Variants in NFKB1 observed in about 807,000 individuals in gnomAD.
NFKB1 encodes nuclear factor NF-kappa-B p105 subunit.
NFKB1 carries 9 observed loss-of-function variants against 105.1 expected under a neutral mutation model. That is an observed-to-expected ratio of 0.09 (90% confidence interval 0.05 to 0.15). NFKB1 has a LOEUF of 0.15. Ranked by LOEUF, NFKB1 falls within the 10% of genes least tolerant of loss-of-function variation. The pLI, the probability that NFKB1 is intolerant of heterozygous loss-of-function variation, is 1.00. For missense variants in NFKB1, 830 were observed against 1,203.7 expected (o/e 0.69, Z 4.59); for synonymous variants, 440 against 442.2 (o/e 1.00, Z 0.06).
At chr4:102,504,310 A>G (rs1372865889) in intron 1 of NFKB1, among the ~76,000 whole-genome samples, 1 of 152,188 alleles carries the variant, frequency 6.6e-6, no homozygotes, top group East Asian at 1.9e-4. Context: ...TGTATAACCA[A>G]TAGAGTAAAT....
In NFKB1 at chr4:102,607,336, T is replaced by C. The variant is rs199710845; in HGVS notation, c.2124+17T>C. On this transcript the variant is annotated intron_variant, in intron 18 of 23. Coordinates refer to ENST00000226574, the MANE Select transcript of NFKB1 (RefSeq NM_003998.4). ...CTCCTGGAGGTGAAGGGCACACTTA[T>C]TTGCTTTTGCATTAAATTTCTGAGG... 42 of 1,600,198 alleles carry C rather than the reference T, an allele frequency of 2.6e-5. No homozygotes were observed. The highest frequency in any genetic ancestry group is 6.7e-5 in the East Asian group (3 of 44,644).
intron 1 of NFKB1, among the ~76,000 whole-genome samples, chr4:102,506,649 C>T (rs1490150732): frequency 6.6e-6 from 1 of 151,938 alleles, no homozygotes; most frequent in Non-Finnish European, 1.5e-5. Flanking sequence ...TGAAATATAC[C>T]ATTTAGACTA....
intron 7 of NFKB1, chr4:102,577,904 G>A: frequency 1.0e-6 from 1 of 985,382 alleles, no homozygotes; most frequent in Non-Finnish European, 1.2e-6. Flanking sequence ...CTTGTAGCCA[G>A]ATAGATATTA....
chr4:102,602,568 T>C (rs1424952993), intron 16 of NFKB1, among the ~76,000 whole-genome samples: 1 of 151,044 alleles, frequency 6.6e-6, no homozygotes, highest in Non-Finnish European at 1.5e-5. Flanking sequence ...TGCTTTAAAG[T>C]GCATTTAAAG....
chr4:102,610,080 C>T (rs1728252527), intron 19 of NFKB1, among the ~76,000 whole-genome samples: 1 of 152,216 alleles, frequency 6.6e-6, no homozygotes, highest in African/African-American at 2.4e-5. Context: ...AGAACCCTGG[C>T]ATTGCTGTAC....
chr4:102,558,717 C>T (rs754600843), intron 5 of NFKB1, among the ~76,000 whole-genome samples: 1 of 152,078 alleles, frequency 6.6e-6, no homozygotes, highest in Non-Finnish European at 1.5e-5. Context: ...GTGGTGCGAT[C>T]ATAGCCCAAT....
At chr4:102,559,518 G>A (rs1450480616) in intron 5 of NFKB1, among the ~76,000 whole-genome samples, 1 of 152,074 alleles carries the variant, frequency 6.6e-6, no homozygotes, top group Non-Finnish European at 1.5e-5. Flanking sequence ...GAAACCAAGG[G>A]AGTAGCAGTG....
At chr4:102,571,756 C>T (rs1205099264) in intron 6 of NFKB1, among the ~76,000 whole-genome samples, 1 of 152,222 alleles carries the variant, frequency 6.6e-6, no homozygotes. Context: ...CACTGGCCAT[C>T]AGAGAAATGC....
At chr4:102,530,168 A>G (rs983647932) in intron 3 of NFKB1, among the ~76,000 whole-genome samples, 1 of 152,188 alleles carries the variant, frequency 6.6e-6, no homozygotes, top group Non-Finnish European at 1.5e-5. Context: ...TTTAGTCAAC[A>G]TAAGGATTTT....
chr4:102,578,923 C>T lies in NFKB1; in HGVS notation c.614C>T (p.Thr205Ile). Residue 205 changes from threonine to isoleucine, a missense_variant, in exon 8 of 24, where the codon ACC becomes ATC. Physicochemically the swap from Thr to Ile is moderately conservative, Grantham distance 89. Around this residue, in one of 8 missense-constraint regions of NFKB1, gnomAD observed 80 missense variants for 122.6 expected, o/e 0.65. Transcript: ENST00000226574. ...ATCCGCCAAGCAGCTCTGCAGCAGA[C>T]CAAGGAGATGGACCTCAGCGTGGTG... Reference protein sequence around the residue: ...ELIRQAALQQTKEMDLSVVRL... With the variant: ...ELIRQAALQQIKEMDLSVVRL... The T allele has an allele frequency of 6.2e-7, 1 of 1,614,084 alleles. No homozygotes were observed. Among genetic ancestry groups the T allele is most frequent in the Non-Finnish European group, 8.5e-7 (1 of 1,179,998 alleles).
intron 1 of NFKB1, among the ~76,000 whole-genome samples, chr4:102,518,908 CA>C (rs1354329936): frequency 1.3e-5 from 2 of 152,072 alleles, no homozygotes; most frequent in Non-Finnish European, 2.9e-5. Context: ...ATGATCATTG[CA>C]AGGCCTCTTA....
intron 11 of NFKB1, among the ~76,000 whole-genome samples, chr4:102,586,238 C>T (rs543033620): frequency 1.6e-4 from 24 of 152,206 alleles, no homozygotes; most frequent in African/African-American, 5.8e-4. Context: ...TCAAGAGGGC[C>T]TAGAGGTCGG....
chr4:102,562,177 C>A (rs183747541), intron 5 of NFKB1, among the ~76,000 whole-genome samples: 4 of 152,178 alleles, frequency 2.6e-5, no homozygotes, highest in Admixed American at 2.6e-4. Flanking sequence ...GCCAGCAAGA[C>A]CCTCTAAACC....
At chr4:102,514,782 A>G (rs1740013935) in intron 1 of NFKB1, among the ~76,000 whole-genome samples, 1 of 152,174 alleles carries the variant, frequency 6.6e-6, no homozygotes, top group Admixed American at 6.5e-5. Flanking sequence ...AGGTGCGTAC[A>G]CAATAAGATC....
In NFKB1 at chr4:102,578,549, A is replaced by G. The variant is rs112909097; in HGVS notation, c.572-332A>G. 1.5e-4 allele frequency: 55 copies of G among 376,474 alleles called. No individual in the cohort carries two copies. In the Admixed American group the frequency reaches 1.7e-3, roughly 12 times the overall value. The allele number at this position is 376,474 out of a possible 1,614,324, so 23.3% of individuals were successfully genotyped here. ...AGCTGGTGCCTAGTAGGGTTATTCA[A>G]TTCCATTCCATCACATCCTGTGTGC... On this transcript the variant is annotated intron_variant, in intron 7 of 23. Coordinates refer to ENST00000226574, the MANE Select transcript of NFKB1 (RefSeq NM_003998.4).
At chr4:102,603,331 A>G (rs1223503890) in intron 16 of NFKB1, among the ~76,000 whole-genome samples, 1 of 152,040 alleles carries the variant, frequency 6.6e-6, no homozygotes, top group African/African-American at 2.4e-5. Flanking sequence ...TCGGCCTCCC[A>G]AAGTGCTGGG....
At chr4:102,524,464 C>T (rs1002895978) in intron 1 of NFKB1, among the ~76,000 whole-genome samples, 1 of 152,158 alleles carries the variant, frequency 6.6e-6, no homozygotes, top group Non-Finnish European at 1.5e-5. Flanking sequence ...GCTAGAGCAG[C>T]AGTCCCCAAC....
chr4:102,587,383 C>T (rs1483059830), intron 11 of NFKB1, among the ~76,000 whole-genome samples: 3 of 152,088 alleles, frequency 2.0e-5, no homozygotes, highest in African/African-American at 7.2e-5. Flanking sequence ...TTTTTGCTAA[C>T]ACAGAGAATC....
intron 16 of NFKB1, among the ~76,000 whole-genome samples, chr4:102,606,061 T>TG (rs1437897655): frequency 1.3e-5 from 2 of 152,134 alleles, no homozygotes; most frequent in East Asian, 3.8e-4. Flanking sequence ...CAACAATCAG[T>TG]GGGTTGTAGT....
Sources: gnomAD v4.1 joint callset for allele counts (sites outside exome capture counted in the v4.1 genomes callset) on GRCh38, gnomAD v4.1.1 for gene constraint, gnomAD v4.1.1 regional missense constraint, MANE v1.5 for transcripts, NCBI Gene and HGNC (gene_info 2026-07-23, HGNC 2026-07-21) for gene names.